Variants in MGAT4C observed in about 807,000 individuals in gnomAD.
The protein encoded by MGAT4C is MGAT4 family member C.
A neutral mutation model predicts 40.1 loss-of-function variants in MGAT4C; 19 were observed. That is an observed-to-expected ratio of 0.47 (90% CI 0.33 to 0.70). The LOEUF is 0.70. Among genes scored for constraint, MGAT4C ranks in the 30% least tolerant of loss-of-function variants. MGAT4C has a pLI of 0.02. For missense variants in MGAT4C, 491 were observed against 563.2 expected (o/e 0.87, Z 1.30); for synonymous variants, 181 against 187.1 (o/e 0.97, Z 0.27).
intron 3 of MGAT4C, among the ~76,000 whole-genome samples, chr12:86,419,451 A>C (rs182707098): frequency 6.6e-6 from 1 of 151,606 alleles, no homozygotes; most frequent in Admixed American, 6.6e-5. Flanking sequence ...TCACATAGAT[A>C]ATTTAAATTT....
intron 1 of MGAT4C, among the ~76,000 whole-genome samples, chr12:86,803,094 C>T (rs2136205811): frequency 7.0e-6 from 1 of 142,564 alleles, no homozygotes; most frequent in African/African-American, 2.6e-5. Flanking sequence ...AGAACAGAGC[C>T]CTCATAAATA....
intron 2 of MGAT4C, among the ~76,000 whole-genome samples, chr12:86,473,105 G>T (rs576916806): frequency 6.6e-6 from 1 of 151,980 alleles, no homozygotes; most frequent in Non-Finnish European, 1.5e-5. Context: ...ACAAGCATAC[G>T]CCTCCACGTC....
intron 3 of MGAT4C, among the ~76,000 whole-genome samples, chr12:86,353,428 A>G (rs1484951492): frequency 2.0e-5 from 3 of 152,212 alleles, no homozygotes; most frequent in Non-Finnish European, 4.4e-5. Flanking sequence ...TCTGCACTTT[A>G]TTCTCCCATC....
At chr12:86,537,760 C>A (rs34739646) in intron 2 of MGAT4C, among the ~76,000 whole-genome samples, 4 of 151,932 alleles carry the variant, frequency 2.6e-5, no homozygotes, top group Non-Finnish European at 4.4e-5. Context: ...GAATATACAT[C>A]CATACTTAAA....
chr12:86,177,284 G>T (rs905813018), intron 1 of MGAT4C, among the ~76,000 whole-genome samples: 7 of 152,026 alleles, frequency 4.6e-5, no homozygotes, highest in Admixed American at 6.6e-5. Context: ...TATTCTGATG[G>T]CATTACCTTC....
intron 2 of MGAT4C, among the ~76,000 whole-genome samples, chr12:86,527,951 T>C (rs1374535304): frequency 6.6e-6 from 1 of 152,156 alleles, no homozygotes; most frequent in Non-Finnish European, 1.5e-5. Context: ...GAAAAAAATG[T>C]AAATGTATTT....
At chr12:86,587,562 T>C (rs1470363853) in intron 2 of MGAT4C, among the ~76,000 whole-genome samples, 1 of 152,086 alleles carries the variant, frequency 6.6e-6, no homozygotes, top group East Asian at 1.9e-4. Context: ...TTTCACGATA[T>C]TCATTCTTCC....
intron 2 of MGAT4C, among the ~76,000 whole-genome samples, chr12:86,509,376 T>A (rs1032422806): frequency 6.6e-6 from 1 of 152,200 alleles, no homozygotes; most frequent in Admixed American, 6.5e-5. Context: ...GTTGTAGATA[T>A]GCAGCATTAT....
intron 1 of MGAT4C, among the ~76,000 whole-genome samples, chr12:86,111,618 A>G (rs531786841): frequency 6.1e-4 from 93 of 151,956 alleles, no homozygotes; most frequent in Admixed American, 1.7e-3. Context: ...TCCCTTGATT[A>G]GTGAGAATTA....
At chr12:86,090,518 T>G (rs1872698107) in intron 1 of MGAT4C, among the ~76,000 whole-genome samples, 1 of 151,842 alleles carries the variant, frequency 6.6e-6, no homozygotes, top group Non-Finnish European at 1.5e-5. Context: ...GTGTAAATAT[T>G]AATGTTGCAG....
intron 2 of MGAT4C, among the ~76,000 whole-genome samples, chr12:86,448,434 C>G (rs544372808): frequency 6.6e-6 from 1 of 152,202 alleles, no homozygotes; most frequent in Non-Finnish European, 1.5e-5. Flanking sequence ...CAACCTAAAC[C>G]AAGCATAGCC....
chr12:86,576,233 C>T (rs1281196825), intron 2 of MGAT4C, among the ~76,000 whole-genome samples: 1 of 151,856 alleles, frequency 6.6e-6, no homozygotes, highest in Non-Finnish European at 1.5e-5. Context: ...CATTATTAAT[C>T]CCTTGTCAGA....
chr12:86,112,914 G>C (rs1592973363), intron 1 of MGAT4C, among the ~76,000 whole-genome samples: 2 of 151,744 alleles, frequency 1.3e-5, no homozygotes, highest in African/African-American at 4.8e-5. Context: ...GGGAAAATTG[G>C]AAGCCAGTGA....
chr12:86,231,009 T>C (rs566153684), intron 1 of MGAT4C, among the ~76,000 whole-genome samples: 1 of 152,088 alleles, frequency 6.6e-6, no homozygotes, highest in East Asian at 1.9e-4. Flanking sequence ...ATGCCTACTA[T>C]AGTTGAGGTG....
chr12:86,562,486 C>T (rs948060388), intron 2 of MGAT4C, among the ~76,000 whole-genome samples: 7 of 152,114 alleles, frequency 4.6e-5, no homozygotes, highest in African/African-American at 1.7e-4. Flanking sequence ...GTAGTGGCAA[C>T]ATCCCCTCCC....
At chr12:86,576,856 A>G (rs763834772) in intron 2 of MGAT4C, among the ~76,000 whole-genome samples, 27 of 151,810 alleles carry the variant, frequency 1.8e-4, no homozygotes, top group Non-Finnish European at 3.7e-4. Context: ...TATTTCTATA[A>G]AGAATATCAT....
At chr12:86,560,827 A>G (rs1225295455) in intron 2 of MGAT4C, among the ~76,000 whole-genome samples, 1 of 152,176 alleles carries the variant, frequency 6.6e-6, no homozygotes, top group Non-Finnish European at 1.5e-5. Context: ...AAAACATAAC[A>G]AAACTGGAAA....
At chr12:86,470,856 T>C (rs1316526579) in intron 2 of MGAT4C, among the ~76,000 whole-genome samples, 4 of 152,108 alleles carry the variant, frequency 2.6e-5, no homozygotes, top group Non-Finnish European at 5.9e-5. Flanking sequence ...TCTCCGTATC[T>C]ATGTATTTAC....
chr12:86,600,791 C>T (rs1961741212), intron 2 of MGAT4C, among the ~76,000 whole-genome samples: 1 of 152,190 alleles, frequency 6.6e-6, no homozygotes, highest in South Asian at 2.1e-4. Context: ...CTTGCGTTCC[C>T]GCTGCAGCCG....
Sources: allele counts gnomAD v4.1 joint callset (sites outside exome capture counted in the v4.1 genomes callset), GRCh38; gene constraint gnomAD v4.1.1; transcripts MANE v1.5; gene names NCBI Gene and HGNC (gene_info 2026-07-23, HGNC 2026-07-21).